Variants in EGFR observed in about 807,000 individuals in gnomAD.
The protein encoded by EGFR is avian erythroblastic leukemia viral (v-erb-b) oncogene homolog.
A neutral mutation model predicts 143.0 loss-of-function variants in EGFR; 58 were observed. The ratio of observed to expected loss-of-function variants is 0.41; its 90% CI spans 0.33 to 0.50. The LOEUF (loss-of-function observed/expected upper bound fraction) is 0.50. Among genes scored for constraint, EGFR ranks in the 20% least tolerant of loss-of-function variants. The pLI, the probability that EGFR is intolerant of heterozygous loss-of-function variation, is 0.39. For missense variants in EGFR, 1,307 were observed against 1,579.0 expected, an observed-to-expected ratio of 0.83 and a Z score of 2.92; for synonymous variants, 613 against 594.4, an observed-to-expected ratio of 1.03 and a Z score of -0.45.
intron 1 of EGFR, among the ~76,000 whole-genome samples, chr7:55,109,487 G>A (rs1443128551): frequency 6.6e-6 from 1 of 152,208 alleles, no homozygotes; most frequent in Non-Finnish European, 1.5e-5. Context: ...AAAGCACAAA[G>A]CCGACTGCAA....
chr7:55,125,534 T>C (rs1793472921), intron 1 of EGFR, among the ~76,000 whole-genome samples: 1 of 152,230 alleles, frequency 6.6e-6, no homozygotes, highest in East Asian at 1.9e-4. Context: ...TACCTAGGGA[T>C]GATATTTCTT....
intron 13 of EGFR, 60 bp from the exon 14 acceptor site, chr7:55,163,673 T>G (rs932441994): frequency 6.9e-7 from 1 of 1,443,188 alleles, no homozygotes; most frequent in South Asian, 1.1e-5. Context: ...AAGAGGTGAT[T>G]TGTGTTCCTG....
rs539356309 is a variant in EGFR at position 55,204,770 on chromosome 7, A to G, written c.3272-486A>G. Among the ~76,000 whole-genome samples, 1,276 of 148,296 alleles carry G rather than the reference A, an allele frequency of 8.6e-3. 14 individuals are homozygous for G. The highest frequency in any genetic ancestry group is 0.015 in the Non-Finnish European group (976 of 67,076). The stretch of plus-strand genomic sequence containing the variant: ...CCACACATACATACACAATAGACAC[A>G]TACACACCACACACACCATACATAC... On this transcript the variant is annotated intron_variant, in intron 27 of 27. Transcript: ENST00000275493.
rs2128942714 is a variant in EGFR, at chr7:55,161,513, G to C, written c.1513G>C (p.Val505Leu). Residue 505 changes from valine to leucine, a missense_variant, in exon 13 of 28, where the codon GTC (valine) becomes CTC (leucine). Coordinates refer to ENST00000275493, the MANE Select transcript of EGFR (RefSeq NM_005228.5). ...TGTCTCCGCAGAGGCCACAGGCCAG[G>C]TCTGCCATGCCTTGTGCTCCCCCGA... ...GENSCKATGQ[V>L]CHALCSPEGC... 1 of 1,614,160 alleles carries C rather than the reference G, an allele frequency of 6.2e-7. No homozygotes were observed. The highest frequency in any genetic ancestry group is 8.5e-7 in the Non-Finnish European group (1 of 1,180,050).
chr7:55,037,968 T>G (rs533863359), intron 1 of EGFR, among the ~76,000 whole-genome samples: 1 of 152,130 alleles, frequency 6.6e-6, no homozygotes, highest in Non-Finnish European at 1.5e-5. Flanking sequence ...GTTAGTCGGG[T>G]GCCTCTGCAC....
In EGFR at chr7:55,151,325, G is replaced by A. The variant is rs2128932539; in HGVS notation, c.591G>A (p.Gly197=). 1 of 1,614,208 alleles carries A rather than the reference G, an allele frequency of 6.2e-7. No individual in the cohort carries two copies. Among genetic ancestry groups the A allele is most frequent in the Non-Finnish European group, 8.5e-7 (1 of 1,180,040 alleles). The stretch of plus-strand genomic sequence containing the variant: ...AGTGTGATCCAAGCTGTCCCAATGG[G>A]AGCTGCTGGGGTGCAGGAGAGGAGA... ...CQKCDPSCPN[G]SCWGAGEENC... is the part of the protein sequence containing the mutation. Residue 197 remains glycine, a synonymous_variant, in exon 5 of 28, where the codon GGG becomes GGA. Coordinates refer to ENST00000275493, the MANE Select transcript of EGFR (RefSeq NM_005228.5).
chr7:55,048,804 A>G (rs1334222028), intron 1 of EGFR, among the ~76,000 whole-genome samples: 1 of 152,210 alleles, frequency 6.6e-6, no homozygotes, highest in Non-Finnish European at 1.5e-5. Flanking sequence ...CACTGATTCA[A>G]ATTTCAACTG....
chr7:55,207,853 G>A lies in EGFR; in HGVS notation c.*2236G>A, dbSNP rs1463370933. ...GACTACACAACATTTCTAAGAATCT[G>A]AGATTTTATATTGTCAGTTAACCAC... On this transcript the variant is annotated 3_prime_UTR_variant, in exon 28 of 28. Transcript: ENST00000275493. 6.6e-6 allele frequency: 1 copy of A among 152,216 alleles called. No homozygotes were observed. Among genetic ancestry groups the A allele is most frequent in the African/African-American group, 2.4e-5 (1 of 41,450 alleles). The allele number at this position is 152,216 out of a possible 1,614,324, so 9.4% of individuals were successfully genotyped here.
chr7:55,181,117 A>G (rs1241339168), intron 19 of EGFR, 176 bp from the exon 20 acceptor site: 3 of 779,774 alleles, frequency 3.8e-6, no homozygotes, highest in African/African-American at 1.7e-5. Context: ...CTGTCACTTC[A>G]CAGCCCTGCG....
intron 15 of EGFR, chr7:55,170,593 C>T (rs780086345): frequency 6.2e-7 from 1 of 1,608,648 alleles, no homozygotes; most frequent in South Asian, 1.1e-5. Flanking sequence ...TTTCTGCCAC[C>T]CCTGCACGTG....
intron 1 of EGFR, among the ~76,000 whole-genome samples, chr7:55,132,443 A>T (rs760954284): frequency 6.6e-6 from 1 of 152,232 alleles, no homozygotes; most frequent in Non-Finnish European, 1.5e-5. Flanking sequence ...CCCAATTCGA[A>T]TCCAGAGGAT....
At chr7:55,155,481 A>G (rs1384899699) in intron 7 of EGFR, among the ~76,000 whole-genome samples, 1 of 152,150 alleles carries the variant, frequency 6.6e-6, no homozygotes, top group Non-Finnish European at 1.5e-5. Context: ...CCTAAAAATA[A>G]CGCAGAAGTC....
intron 22 of EGFR, among the ~76,000 whole-genome samples, chr7:55,194,428 A>C (rs1343423985): frequency 6.6e-6 from 1 of 151,968 alleles, no homozygotes; most frequent in Non-Finnish European, 1.5e-5. Context: ...GGGTTTCACT[A>C]TGTTGGCCAG....
intron 1 of EGFR, among the ~76,000 whole-genome samples, chr7:55,051,951 C>G (rs925197170): frequency 1.3e-5 from 2 of 152,230 alleles, no homozygotes; most frequent in Non-Finnish European, 2.9e-5. Flanking sequence ...TTCAAATAGT[C>G]TCTCCAGCTA....
At chr7:55,141,118 C>G (rs1440005312) in intron 1 of EGFR, among the ~76,000 whole-genome samples, 1 of 152,202 alleles carries the variant, frequency 6.6e-6, no homozygotes, top group Non-Finnish European at 1.5e-5. Flanking sequence ...GCAGAAGTGC[C>G]TTTGCAGATG....
At chr7:55,177,935 G>T (rs543209976) in intron 19 of EGFR, among the ~76,000 whole-genome samples, 3 of 152,240 alleles carry the variant, frequency 2.0e-5, no homozygotes, top group African/African-American at 7.2e-5. Context: ...CGGGACACAC[G>T]ACTGAACAGC....
At chr7:55,169,806 A>G (rs1424246424) in intron 15 of EGFR, among the ~76,000 whole-genome samples, 4 of 152,192 alleles carry the variant, frequency 2.6e-5, no homozygotes, top group Non-Finnish European at 5.9e-5. Context: ...ACCTTTCCCT[A>G]CAAGTCTGTC....
intron 19 of EGFR, among the ~76,000 whole-genome samples, chr7:55,178,398 C>T (rs1786700185): frequency 6.6e-6 from 1 of 152,158 alleles, no homozygotes; most frequent in Non-Finnish European, 1.5e-5. Context: ...GTGTGTCTCC[C>T]ACGTCTAAAG....
chr7:55,059,573 C>T (rs540688407), intron 1 of EGFR, among the ~76,000 whole-genome samples: 4 of 152,220 alleles, frequency 2.6e-5, no homozygotes, highest in African/African-American at 9.6e-5. Flanking sequence ...ATTACTATAT[C>T]ACGCAGAGTC....
Sources: allele counts gnomAD v4.1 joint callset (sites outside exome capture counted in the v4.1 genomes callset), GRCh38; gene constraint gnomAD v4.1.1; transcripts MANE v1.5; gene names NCBI Gene and HGNC (gene_info 2026-07-23, HGNC 2026-07-21).